The following MIER3 variants were observed in gnomAD, a reference collection of about 807,000 sequenced individuals.
MIER3 encodes the protein MIER family member 3.
A neutral mutation model predicts 63.2 loss-of-function variants in MIER3; 9 were observed. The ratio of observed to expected loss-of-function variants is 0.14; its 90% CI spans 0.09 to 0.25. The LOEUF (loss-of-function observed/expected upper bound fraction) is 0.25. Ranked by LOEUF, MIER3 falls within the 10% of genes least tolerant of loss-of-function variation. MIER3 has a pLI of 1.00. For synonymous variants in MIER3, 205 were observed against 224.9 expected (o/e 0.91, Z 0.79); for missense variants, 512 against 666.2 (o/e 0.77, Z 2.55).
intron 10 of MIER3, among the ~76,000 whole-genome samples, chr5:56,925,950 C>T (rs371051042): frequency 1.3e-5 from 2 of 152,104 alleles, no homozygotes; most frequent in South Asian, 4.2e-4. Flanking sequence ...CCCACGGGTA[C>T]AGTCAACTGA....
At chr5:56,947,478 A>C (rs139392492) in intron 2 of MIER3, among the ~76,000 whole-genome samples, 2 of 152,326 alleles carry the variant, frequency 1.3e-5, no homozygotes, top group African/African-American at 4.8e-5. Context: ...ACAAGAATCG[A>C]CTATACACTA....
chr5:56,927,678 G>A (rs252896), intron 10 of MIER3, among the ~76,000 whole-genome samples: 151,592 of 152,304 alleles, frequency 1, 75,446 homozygotes, highest in Non-Finnish European at 1. Flanking sequence ...TTGGAGTAGT[G>A]TATCTGTTAA....
rs149106330 is a variant in MIER3, at chr5:56,935,227, G to T, written c.595+201C>A. ...AAGCACTATGTGTGCCTTGGGCAGG[G>T]TTGGGGGTGGGGGGAAACTCTGAGT... On this transcript the variant is annotated intron_variant, in intron 7 of 12. Coordinates refer to ENST00000381199, the MANE Select transcript of MIER3 (RefSeq NM_001297599.2). Among the ~76,000 whole-genome samples, 38 of 152,174 alleles carry T rather than the reference G, an allele frequency of 2.5e-4. No individual in the cohort carries two copies. The East Asian group carries it at 6.8e-3, about 27-fold the overall frequency.
intron 7 of MIER3, 152 bp from the exon 8 acceptor site, chr5:56,933,550 C>T: frequency 1.5e-6 from 1 of 680,256 alleles, no homozygotes; most frequent in Non-Finnish European, 2.3e-6. Context: ...TAAGTAGGGC[C>T]TTTCACACAC....
intron 7 of MIER3, among the ~76,000 whole-genome samples, chr5:56,934,952 T>C (rs1173672582): frequency 6.6e-6 from 1 of 152,216 alleles, no homozygotes; most frequent in African/African-American, 2.4e-5. Context: ...TGATTACACA[T>C]AATTAGGAGT....
At chr5:56,941,526 G>C (rs1007171596) in intron 3 of MIER3, 11 of 151,990 alleles carry the variant, frequency 7.2e-5, no homozygotes, top group Admixed American at 2.0e-4. Context: ...AAAAAAAAAA[G>C]ACATATGTGA....
intron 3 of MIER3, among the ~76,000 whole-genome samples, chr5:56,946,549 C>G (rs972428449): frequency 2.6e-5 from 4 of 152,110 alleles, no homozygotes; most frequent in Non-Finnish European, 5.9e-5. Flanking sequence ...GAAAAGGCTT[C>G]TCTCTGTATC....
At position 56,928,748 on chromosome 5, in the gene MIER3, A is replaced by G. The variant is rs776041663; in HGVS notation, c.924+19T>C. On this transcript the variant is annotated intron_variant, in intron 10 of 12. Coordinates refer to ENST00000381199, the MANE Select transcript of MIER3 (RefSeq NM_001297599.2). ...TCACTGTAACTAGTAATTTATCTGT[A>G]CTAATCTGCCTAATTTACCTTATTC... The G allele has an allele frequency of 6.4e-7, 1 of 1,558,440 alleles. No individual in the cohort carries two copies. Among genetic ancestry groups the G allele is most frequent in the Non-Finnish European group, 8.8e-7 (1 of 1,131,632 alleles).
Position 56,935,675 on chromosome 5 carries a change from A to G in MIER3, c.513T>C (p.Asp171=). Residue 171 remains aspartate, a synonymous_variant, in exon 6 of 13, where the codon GAT becomes GAC. Transcript: ENST00000381199. ...TATTAACTCAGCTTACCTTCCTCAA[A>G]TCTTCAGGTGAATTACCACTGTCTG... ...VETDSGNSPE[D]LRKEIMIGLQ... The G allele has an allele frequency of 6.2e-7, 1 of 1,613,642 alleles. No homozygotes were observed. Among genetic ancestry groups the G allele is most frequent in the Non-Finnish European group, 8.5e-7 (1 of 1,179,706 alleles).
In MIER3 at chr5:56,923,442, T is replaced by C; in HGVS notation, c.1339A>G (p.Asn447Asp). The C allele has an allele frequency of 6.2e-7, 1 of 1,614,176 alleles. No homozygotes were observed. The highest frequency in any genetic ancestry group is 1.7e-5 in the Admixed American group (1 of 60,010). ...VTEELLTLPS[N>D]GESDCFNLFE... ...AAATTAAAACAATCACTTTCCCCATTGCTGGGCAGGGTGAGTAACTCTTCT... is the reference window on the plus strand; with the variant it reads ...AAATTAAAACAATCACTTTCCCCATCGCTGGGCAGGGTGAGTAACTCTTCT... Residue 447 changes from asparagine (N) to aspartate (D), a missense_variant, in exon 13 of 13, where the codon AAT (asparagine) becomes GAT (aspartate). By Grantham distance (23) the Asn-to-Asp change is conservative. Coordinates refer to ENST00000381199, the MANE Select transcript of MIER3 (RefSeq NM_001297599.2).
At chr5:56,950,681 T>A (rs1217805271) in intron 1 of MIER3, 29 bp from the exon 2 acceptor site, 1 of 1,612,204 alleles carries the variant, frequency 6.2e-7, no homozygotes, top group East Asian at 2.2e-5. Flanking sequence ...AACGTGAGGT[T>A]AGATCGCACA....
At chr5:56,927,153 G>A (rs918442496) in intron 10 of MIER3, among the ~76,000 whole-genome samples, 1 of 152,078 alleles carries the variant, frequency 6.6e-6, no homozygotes, top group Non-Finnish European at 1.5e-5. Flanking sequence ...TACTCTGTAT[G>A]ATACTGTACT....
chr5:56,933,451 T>G, intron 7 of MIER3, 53 bp from the exon 8 acceptor site: 1 of 1,502,082 alleles, frequency 6.7e-7, no homozygotes, highest in Non-Finnish European at 9.0e-7. Context: ...CACTCAAAGA[T>G]GTACACAAAC....
intron 3 of MIER3, among the ~76,000 whole-genome samples, chr5:56,944,927 G>A (rs1342071627): frequency 6.6e-6 from 1 of 151,998 alleles, no homozygotes; most frequent in East Asian, 1.9e-4. Flanking sequence ...AGACTCCTGG[G>A]CTCAAGCGAT....
At chr5:56,928,121 A>G (rs1750086516) in intron 10 of MIER3, 1 of 152,204 alleles carries the variant, frequency 6.6e-6, no homozygotes, top group Non-Finnish European at 1.5e-5. Flanking sequence ...ACCTCAAAGG[A>G]CATACAGGTT....
chr5:56,946,621 G>A (rs917484922), intron 3 of MIER3, among the ~76,000 whole-genome samples: 2 of 152,104 alleles, frequency 1.3e-5, no homozygotes, highest in Non-Finnish European at 2.9e-5. Flanking sequence ...ACAATGGAAA[G>A]AGGGCTAGAC....
intron 3 of MIER3, chr5:56,941,300 G>T: frequency 8.3e-6 from 2 of 239,984 alleles, no homozygotes; most frequent in Non-Finnish European, 1.3e-5. Context: ...TGCACAGAGG[G>T]TGAAGACTGA....
Position 56,923,327 on chromosome 5 carries a change from C to G in MIER3, c.1454G>C (p.Gly485Ala), listed in dbSNP as rs1749768701. ...CATAAAGGATTCAGGGACGGCAATG[C>G]CCATTTTCAATCTTTTTGCTGGTCT... ...SERPAKRLKM[G>A]IAVPESFMNE... The change falls in exon 13 of 13, where the codon GGC becomes GCC. Residue 485 changes from glycine (G) to alanine (A), a missense_variant. Transcript: ENST00000381199. 6.2e-7 allele frequency: 1 copy of G among 1,614,048 alleles called. No homozygotes were observed. Among genetic ancestry groups the G allele is most frequent in the Non-Finnish European group, 8.5e-7 (1 of 1,180,038 alleles).
chr5:56,925,116 G>GT (rs887962908), intron 10 of MIER3, among the ~76,000 whole-genome samples: 10 of 151,784 alleles, frequency 6.6e-5, no homozygotes, highest in African/African-American at 1.9e-4. Flanking sequence ...AAAACTGATG[G>GT]TTTTTTTTAC....
Sources: allele counts gnomAD v4.1 joint callset (sites outside exome capture counted in the v4.1 genomes callset), GRCh38; gene constraint gnomAD v4.1.1; transcripts MANE v1.5; gene names NCBI Gene and HGNC (gene_info 2026-07-23, HGNC 2026-07-21).